The following CACNA1B variants were observed in gnomAD, a reference collection of about 807,000 sequenced individuals.
CACNA1B encodes the protein calcium voltage-gated channel subunit alpha1 B.
Under a neutral mutation model 247.2 loss-of-function variants are expected in CACNA1B, and 70 were observed. The ratio of observed to expected loss-of-function variants is 0.28; its 90% confidence interval spans 0.23 to 0.35. The LOEUF is 0.35. Among genes scored for constraint, CACNA1B ranks in the 10% least tolerant of loss-of-function variants. CACNA1B has a pLI of 1.00. For missense variants in CACNA1B, 2,367 were observed against 3,197.4 expected (o/e 0.74, Z 6.26); for synonymous variants, 1,231 against 1,294.4 (o/e 0.95, Z 1.05).
chr9:137,935,780 T>C (rs1957659176), intron 6 of CACNA1B, among the ~76,000 whole-genome samples: 1 of 151,990 alleles, frequency 6.6e-6, no homozygotes, highest in African/African-American at 2.4e-5. Flanking sequence ...TCCTGACTTT[T>C]TCTTTTTTTT....
At chr9:138,056,416 CTTG>C (rs1959501435) in intron 26 of CACNA1B, among the ~76,000 whole-genome samples, 1 of 152,210 alleles carries the variant, frequency 6.6e-6, no homozygotes, top group Non-Finnish European at 1.5e-5. Flanking sequence ...AGCCTTGTTC[CTTG>C]TTACGGCTGA....
intron 44 of CACNA1B, 32 bp downstream of exon 44, chr9:138,118,800 C>A: frequency 2.0e-6 from 2 of 1,008,804 alleles, no homozygotes; most frequent in Non-Finnish European, 2.9e-6. Context: ...AGGCCCTGGG[C>A]TGGGCAAGTG....
chr9:137,998,078 C>T (rs1324412849), intron 15 of CACNA1B, among the ~76,000 whole-genome samples: 1 of 152,056 alleles, frequency 6.6e-6, no homozygotes, highest in Non-Finnish European at 1.5e-5. Flanking sequence ...ATGATTAGCA[C>T]CAAATTCAGG....
intron 44 of CACNA1B, among the ~76,000 whole-genome samples, chr9:138,119,332 C>T (rs887038489): frequency 6.6e-6 from 1 of 152,112 alleles, no homozygotes; most frequent in African/African-American, 2.4e-5. Flanking sequence ...AGGCTCCTTC[C>T]ACAAGGACAC....
In CACNA1B at chr9:137,957,660, G is replaced by T; in HGVS notation, c.1306G>T (p.Asp436Tyr). 1 of 1,602,496 alleles carries T rather than the reference G, an allele frequency of 6.2e-7. No individual in the cohort carries two copies. Among genetic ancestry groups the T allele is most frequent in the South Asian group, 1.1e-5 (1 of 88,156 alleles). ...NDLIHAEEGE[D>Y]RFADLCAVGS... ...CCTGATCCACGCAGAGGAGGGAGAG[G>T]ACCGGTTTGCAGATCTCTGTGCTGT... The change falls in exon 10 of 47, where the codon GAC becomes TAC. Residue 436 changes from aspartate (D) to tyrosine (Y), a missense_variant. Asp to Tyr is a radical substitution (Grantham distance 160). Around this residue, in one of 12 missense-constraint regions of CACNA1B, gnomAD observed 219 missense variants for 297.6 expected, o/e 0.74. Coordinates refer to ENST00000371372, the MANE Select transcript of CACNA1B (RefSeq NM_000718.4). The surrounding 1 kb of genome is among the most constrained non-coding windows in gnomAD (Gnocchi z 4.7).
rs911887208 is a variant in CACNA1B, at chr9:138,067,577, T to C, written c.4669-2181T>C. 2.6e-5 allele frequency among the ~76,000 whole-genome samples: 4 copies of C among 152,228 alleles called. No individual in the cohort carries two copies. The East Asian group carries it at 7.7e-4, about 29-fold the overall frequency. Reference sequence around the variant, plus strand: ...AGCCAGGCATGATGGCGCACGCCTGTAATTCTAGCTACTTGGGAGGCTGAG... The same window carrying C: ...AGCCAGGCATGATGGCGCACGCCTGCAATTCTAGCTACTTGGGAGGCTGAG... On this transcript the variant is annotated intron_variant, in intron 31 of 46. Transcript: ENST00000371372.
chr9:137,967,460 G>C (rs1958093501), intron 10 of CACNA1B, among the ~76,000 whole-genome samples: 1 of 152,188 alleles, frequency 6.6e-6, no homozygotes, highest in Non-Finnish European at 1.5e-5. Context: ...CCCGCTCTCA[G>C]AGCCCTAACC....
At chr9:138,025,216 A>C in intron 20 of CACNA1B, 44 bp downstream of exon 20, 1 of 1,368,702 alleles carries the variant, frequency 7.3e-7, no homozygotes, top group South Asian at 1.3e-5. Context: ...CATCTTGTGC[A>C]GGTCCAGCAA....
intron 36 of CACNA1B, among the ~76,000 whole-genome samples, chr9:138,088,274 CAGG>C (rs1960766963): frequency 6.6e-6 from 1 of 151,556 alleles, no homozygotes; most frequent in African/African-American, 2.4e-5. Context: ...GAGGCTGAGG[CAGG>C]AGAATTGCTT....
intron 6 of CACNA1B, among the ~76,000 whole-genome samples, chr9:137,944,401 A>G (rs1395430974): frequency 6.6e-6 from 1 of 152,080 alleles, no homozygotes; most frequent in East Asian, 1.9e-4. Flanking sequence ...TCTTCCTCCA[A>G]GGAGAGCCTC....
At chr9:138,076,023 G>A (rs774262876) in intron 35 of CACNA1B, 113 bp downstream of exon 35, 7 of 697,924 alleles carry the variant, frequency 1.0e-5, no homozygotes, top group African/African-American at 1.8e-5. Context: ...CTAATTCCCC[G>A]ACCCCACTGG....
chr9:137,912,680 C>T (rs1310588064), intron 3 of CACNA1B, among the ~76,000 whole-genome samples: 2 of 152,152 alleles, frequency 1.3e-5, no homozygotes, highest in Non-Finnish European at 2.9e-5. Context: ...TACCCCACTT[C>T]CCTGTCTTCC....
At chr9:138,000,322 TCTC>T (rs1958558344) in intron 15 of CACNA1B, among the ~76,000 whole-genome samples, 1 of 151,906 alleles carries the variant, frequency 6.6e-6, no homozygotes, top group Non-Finnish European at 1.5e-5. Context: ...ATGGTCTCGA[TCTC>T]CTGACCTCGT....
chr9:138,028,023 CTTTT>C (rs541594878), intron 20 of CACNA1B, among the ~76,000 whole-genome samples: 13 of 98,746 alleles, frequency 1.3e-4, no homozygotes, highest in African/African-American at 2.2e-4. Context: ...CCCCCCCAAC[CTTTT>C]TTTTTTTTTT....
At chr9:138,089,857 G>T (rs1357105597) in intron 36 of CACNA1B, among the ~76,000 whole-genome samples, 1 of 152,000 alleles carries the variant, frequency 6.6e-6, no homozygotes, top group Non-Finnish European at 1.5e-5. Flanking sequence ...AAAGAAATCA[G>T]TCTCATTTAC....
intron 42 of CACNA1B, among the ~76,000 whole-genome samples, chr9:138,116,479 A>G (rs2131368853): frequency 6.6e-6 from 1 of 152,140 alleles, no homozygotes; most frequent in Non-Finnish European, 1.5e-5. Context: ...CCATTCCCAC[A>G]CTGCTTTCAG....
rs1262352028 is a variant in CACNA1B, at chr9:138,006,755, C to T, written c.1975-12C>T. The T allele has an allele frequency of 6.6e-7, 1 of 1,519,160 alleles. No homozygotes were observed. Among genetic ancestry groups the T allele is most frequent in the Non-Finnish European group, 9.1e-7 (1 of 1,094,622 alleles). The allele number at this position is 1,519,160 out of a possible 1,614,324, so 94.1% of individuals were successfully genotyped here. On this transcript the variant is annotated splice_polypyrimidine_tract_variant and intron_variant, in intron 15 of 46. Coordinates refer to ENST00000371372, the MANE Select transcript of CACNA1B (RefSeq NM_000718.4). ...CATGGGGGCTTGCCCTGTGTTCTCTCCATCCTGGCAGATCCTGACGGGAGA... is the reference window on the plus strand; with the variant it reads ...CATGGGGGCTTGCCCTGTGTTCTCTTCATCCTGGCAGATCCTGACGGGAGA...
In CACNA1B at chr9:138,043,965, T is replaced by A. The variant is rs991289486; in HGVS notation, c.3413+65T>A. On this transcript the variant is annotated intron_variant, in intron 21 of 46. Coordinates refer to ENST00000371372, the MANE Select transcript of CACNA1B (RefSeq NM_000718.4). The stretch of plus-strand genomic sequence containing the variant: ...CACCCATGCATCATGACCCGTGGGA[T>A]CTCAGTAGCCAGCGTGCACTGATTC... 10 of 1,579,682 alleles carry A rather than the reference T, an allele frequency of 6.3e-6. No individual in the cohort carries two copies. In the African/African-American group the frequency reaches 1.1e-4, roughly 17 times the overall value.
rs1588972251 is a variant in CACNA1B, at chr9:137,880,478, G to T, written c.390+1319G>T. ...GCCAAGTCACAGGAAGGAGGGCAGG[G>T]CCAGGGTCAGAGGGACGCAGGCCCA... is the stretch of plus-strand genomic sequence containing the variant. On this transcript the variant is annotated intron_variant, in intron 2 of 46. Coordinates refer to ENST00000371372, the MANE Select transcript of CACNA1B (RefSeq NM_000718.4). The surrounding 1 kb of genome is among the most constrained non-coding windows in gnomAD (Gnocchi z 4.8). 6.6e-6 allele frequency among the ~76,000 whole-genome samples: 1 copy of T among 151,898 alleles called. No individual in the cohort carries two copies. The highest frequency in any genetic ancestry group is 2.4e-5 in the African/African-American group (1 of 41,336).
Sources: gnomAD v4.1 joint callset for allele counts (sites outside exome capture counted in the v4.1 genomes callset) on GRCh38, gnomAD v4.1.1 for gene constraint, gnomAD v4.1.1 regional missense constraint, Gnocchi (gnomAD v3.1) non-coding constraint, MANE v1.5 for transcripts, NCBI Gene and HGNC (gene_info 2026-07-23, HGNC 2026-07-21) for gene names.